The following PCDHGA2 variants were observed in gnomAD, a reference collection of about 807,000 sequenced individuals.
The protein encoded by PCDHGA2 is protocadherin gamma subfamily A, 2, also known as protocadherin gamma-A2.
A neutral mutation model predicts 59.2 loss-of-function variants in PCDHGA2; 40 were observed. That is an observed-to-expected ratio of 0.68 (90% CI 0.52 to 0.88). The LOEUF (loss-of-function observed/expected upper bound fraction) is 0.88, where lower values mean the gene tolerates loss of function less well. PCDHGA2 is among the 40% of genes least tolerant of loss of function. The pLI, the probability that PCDHGA2 is intolerant of heterozygous loss-of-function variation, is 0.00. For synonymous variants in PCDHGA2, 560 were observed against 526.0 expected, an observed-to-expected ratio of 1.06 and a Z score of -0.89; for missense variants, 1,226 against 1,204.0, an observed-to-expected ratio of 1.02 and a Z score of -0.27.
chr5:141,441,359 G>T (rs932747576), intron 1 of PCDHGA2: 1 of 152,522 alleles, frequency 6.6e-6, no homozygotes, highest in Non-Finnish European at 1.5e-5. Flanking sequence ...TGTAACAAAT[G>T]GGGCCGTGGA....
Position 141,365,562 on chromosome 5 carries a change from A to C in PCDHGA2, c.2424+24167A>C, listed in dbSNP as rs200032836. On this transcript the variant is annotated intron_variant, in intron 1 of 3. Transcript: ENST00000394576. ...CACCTATTAACAACTAGGGACCTGG[A>C]CAGAGAAGAGACTTCAGATTATAAT... The C allele has an allele frequency of 6.2e-4, 1,002 of 1,613,762 alleles. 1 individual carries two copies. Among genetic ancestry groups the C allele is most frequent in the Non-Finnish European group, 7.3e-4 (867 of 1,179,898 alleles).
chr5:141,423,085 G>A, intron 1 of PCDHGA2: 1 of 1,614,072 alleles, frequency 6.2e-7, no homozygotes, highest in Non-Finnish European at 8.5e-7. Flanking sequence ...ACTCTTCGCG[G>A]TGGGGGAGCA....
At chr5:141,422,887 C>T in intron 1 of PCDHGA2, 1 of 1,614,264 alleles carries the variant, frequency 6.2e-7, no homozygotes, top group Non-Finnish European at 8.5e-7. Context: ...CCTGTTCGTG[C>T]TGGACCAGAA....
intron 1 of PCDHGA2, chr5:141,419,166 A>G: frequency 6.2e-7 from 1 of 1,613,944 alleles, no homozygotes; most frequent in Non-Finnish European, 8.5e-7. Context: ...TCCTCCAGCA[A>G]AACCATAACC....
intron 1 of PCDHGA2, chr5:141,409,314 C>G: frequency 1.9e-6 from 3 of 1,613,878 alleles, no homozygotes; most frequent in Non-Finnish European, 2.5e-6. Flanking sequence ...CTCTTCAAAA[C>G]ACGGGATCTG....
intron 1 of PCDHGA2, chr5:141,389,681 C>T (rs1172050771): frequency 1.2e-6 from 2 of 1,612,438 alleles, no homozygotes; most frequent in South Asian, 1.1e-5. Context: ...CAGGACACAA[C>T]GCCTGGCTGT....
chr5:141,439,065 C>T (rs571768018), intron 1 of PCDHGA2, among the ~76,000 whole-genome samples: 13 of 151,628 alleles, frequency 8.6e-5, no homozygotes, highest in East Asian at 7.9e-4. Flanking sequence ...GTGTGGCAGG[C>T]GCCTGTAATC....
At chr5:141,357,233 T>A (rs1760516287) in intron 1 of PCDHGA2, 1 of 1,613,828 alleles carries the variant, frequency 6.2e-7, no homozygotes, top group African/African-American at 1.3e-5. Flanking sequence ...TTGGGCAGCC[T>A]CAAGCCTTCA....
rs1382741412 is a variant in PCDHGA2 at position 141,350,638 on chromosome 5, T to C, written c.2424+9243T>C. 5.6e-6 allele frequency: 9 copies of C among 1,613,928 alleles called. No homozygotes were observed. In the African/African-American group the frequency reaches 1.2e-4, roughly 22 times the overall value. The stretch of plus-strand genomic sequence containing the variant: ...TTGTAATCCAAGATATTAATGACAA[T>C]GCACCACGTTTCGTTGCAAAAGGCA... On this transcript the variant is annotated intron_variant, in intron 1 of 3. Coordinates refer to ENST00000394576, the MANE Select transcript of PCDHGA2 (RefSeq NM_018915.4).
intron 1 of PCDHGA2, chr5:141,478,798 T>G: frequency 6.8e-7 from 1 of 1,463,780 alleles, no homozygotes. Flanking sequence ...TCCTCAGCAC[T>G]CTTTTGCTAT....
At chr5:141,363,754 T>C (rs769880289) in intron 1 of PCDHGA2, among the ~76,000 whole-genome samples, 4 of 152,238 alleles carry the variant, frequency 2.6e-5, no homozygotes, top group Non-Finnish European at 4.4e-5. Context: ...GGTATTCTTA[T>C]ATGCAAATAA....
intron 1 of PCDHGA2, chr5:141,423,426 G>A: frequency 6.2e-7 from 1 of 1,614,028 alleles, no homozygotes; most frequent in Non-Finnish European, 8.5e-7. Context: ...AAGGCGGGTT[G>A]GCAGGTATGC....
rs753845173 is a variant in PCDHGA2, at chr5:141,490,873, C to T, written c.2425-3934C>T. On this transcript the variant is annotated intron_variant, in intron 1 of 3. Coordinates refer to ENST00000394576, the MANE Select transcript of PCDHGA2 (RefSeq NM_018915.4). The surrounding 1 kb of genome is among the most constrained non-coding windows in gnomAD (Gnocchi z 5.4). Reference sequence around the variant, plus strand: ...TCGAGACTCCGGCTCTCCCCCATTGCATGCCAACACATCTCTGCATGTGTT... The same window carrying T: ...TCGAGACTCCGGCTCTCCCCCATTGTATGCCAACACATCTCTGCATGTGTT... 5.6e-6 allele frequency: 9 copies of T among 1,613,884 alleles called. No homozygotes were observed. The highest frequency in any genetic ancestry group is 7.6e-6 in the Non-Finnish European group (9 of 1,179,908).
In PCDHGA2 at chr5:141,345,667, A is replaced by AG. The variant is rs1561490536; in HGVS notation, c.2424+4272_2424+4273insG. 5 of 1,614,210 alleles carry AG rather than the reference A, an allele frequency of 3.1e-6. No homozygotes were observed. In the South Asian group the frequency reaches 5.5e-5, roughly 18 times the overall value. The stretch of plus-strand genomic sequence containing the variant: ...AGCGGGAACCCTCCACTCAGCAGCA[A>AG]CGTGTCGCTGAACCTGTTCGTGCTG... On this transcript the variant is annotated intron_variant, in intron 1 of 3. Coordinates refer to ENST00000394576, the MANE Select transcript of PCDHGA2 (RefSeq NM_018915.4).
In PCDHGA2 at chr5:141,426,211, G is replaced by A. The variant is rs184669298; in HGVS notation, c.2425-68596G>A. On this transcript the variant is annotated intron_variant, in intron 1 of 3. Coordinates refer to ENST00000394576, the MANE Select transcript of PCDHGA2 (RefSeq NM_018915.4). ...TGGGAGCATTGAGTTTTCTATGTAT[G>A]GAAGTAAATATTTTAAAAGCACTTT... The A allele has an allele frequency of 7.7e-4, 121 of 157,870 alleles. 1 individual carries two copies. The highest frequency in any genetic ancestry group is 7.4e-4 in the South Asian group (4 of 5,398). 9.8% of individuals were successfully genotyped at this position (157,870 alleles called of 1,614,324 possible). A position where few individuals can be genotyped will look rare whatever the true frequency, so the allele number is the denominator to read the frequency against.
rs148119281 is a variant in PCDHGA2, at chr5:141,511,006, C to T, written c.2632C>T (p.Arg878Cys). The T allele has an allele frequency of 3.5e-5, 56 of 1,614,078 alleles. No individual in the cohort carries two copies. Among genetic ancestry groups the T allele is most frequent in the African/African-American group, 5.3e-5 (4 of 74,922 alleles). The change falls in exon 4 of 4, where the codon CGC (arginine) becomes TGC (cysteine). Residue 878 changes from arginine to cysteine, a missense_variant. By Grantham distance (180) the Arg-to-Cys change is radical. Transcript: ENST00000394576. Reference protein sequence around the residue: ...GGAGTMGLSARYGPQFTLQHV... With the variant: ...GGAGTMGLSACYGPQFTLQHV... ...TGCCGGCACCATGGGATTGAGCGCC[C>T]GCTACGGACCCCAGTTCACCCTGCA...
chr5:141,469,868 C>T (rs749624047), intron 1 of PCDHGA2, among the ~76,000 whole-genome samples: 6 of 152,228 alleles, frequency 3.9e-5, no homozygotes, highest in Non-Finnish European at 7.3e-5. Flanking sequence ...CAATGGCTCA[C>T]GCCTGTAATC....
rs200317374 is a variant in PCDHGA2 at position 141,408,395 on chromosome 5, A to G, written c.2424+67000A>G. On this transcript the variant is annotated intron_variant, in intron 1 of 3. Coordinates refer to ENST00000394576, the MANE Select transcript of PCDHGA2 (RefSeq NM_018915.4). ...CAGTGTCCTGGATGTGTCGGCTCGC[A>G]AGCTGCGAGTGAGCGCGGAGAAGCT... 8.8e-3 allele frequency: 14,159 copies of G among 1,613,888 alleles called. 310 individuals are homozygous for G. Among genetic ancestry groups the G allele is most frequent in the South Asian group, 0.064 (5,857 of 91,072 alleles).
At chr5:141,370,854 C>T in intron 1 of PCDHGA2, 1 of 1,614,054 alleles carries the variant, frequency 6.2e-7, no homozygotes. Flanking sequence ...CACATTTGCC[C>T]TGGAATCTGC....
Sources: gnomAD v4.1 joint callset for allele counts (sites outside exome capture counted in the v4.1 genomes callset) on GRCh38, gnomAD v4.1.1 for gene constraint, Gnocchi (gnomAD v3.1) non-coding constraint, MANE v1.5 for transcripts, NCBI Gene and HGNC (gene_info 2026-07-23, HGNC 2026-07-21) for gene names.